The following OSBPL3 variants were observed in gnomAD, a reference collection of about 807,000 sequenced individuals.
OSBPL3 encodes the protein oxysterol-binding protein-related protein 3.
In OSBPL3, 65 loss-of-function variants were observed where a neutral mutation model predicts 120.1. The observed-to-expected ratio is 0.54, with a 90% CI of 0.44 to 0.67. The LOEUF is 0.67. Among genes scored for constraint, OSBPL3 ranks in the 30% least tolerant of loss-of-function variants. OSBPL3 has a pLI of 0.00. For missense variants in OSBPL3, 1,004 were observed against 1,082.1 expected, an observed-to-expected ratio of 0.93 and a Z score of 1.01; for synonymous variants, 416 against 402.6, an observed-to-expected ratio of 1.03 and a Z score of -0.40.
rs888734503 is a variant in OSBPL3 at position 24,947,758 on chromosome 7, T to C, written c.-150+32128A>G. Reference sequence around the variant, plus strand: ...TAATATATGCATGTGTATATATGTATACATACATATCCAATTAAATCACAC... The same window carrying C: ...TAATATATGCATGTGTATATATGTACACATACATATCCAATTAAATCACAC... On this transcript the variant is annotated intron_variant, in intron 1 of 22. Transcript: ENST00000313367. This position sits in a 1 kb window ranked among gnomAD's most constrained non-coding sequence, Gnocchi z 4.4. 3.4e-5 allele frequency among the ~76,000 whole-genome samples: 5 copies of C among 145,504 alleles called. No homozygotes were observed. Among genetic ancestry groups the C allele is most frequent in the African/African-American group, 1.3e-4 (5 of 38,792 alleles).
rs540364438 is a variant in OSBPL3 at position 24,938,997 on chromosome 7, C to G, written c.-150+40889G>C. On this transcript the variant is annotated intron_variant, in intron 1 of 22. Coordinates refer to ENST00000313367, the MANE Select transcript of OSBPL3 (RefSeq NM_015550.4). The surrounding 1 kb of genome is among the most constrained non-coding windows in gnomAD (Gnocchi z 5.8). ...GAAACAGAGTGCAAGGGGTAGGAATCAGTGTAGAAATAAAGATTAAAGAAT... is the reference window on the plus strand; with the variant it reads ...GAAACAGAGTGCAAGGGGTAGGAATGAGTGTAGAAATAAAGATTAAAGAAT... Among the ~76,000 whole-genome samples, 182 of 152,090 alleles carry G rather than the reference C, an allele frequency of 1.2e-3. 4 individuals are homozygous for G. The highest frequency in any genetic ancestry group is 5.2e-3 in the South Asian group (25 of 4,808).
rs1033586930 is a variant in OSBPL3, at chr7:24,922,455, G to A, written c.-149-29834C>T. On this transcript the variant is annotated intron_variant, in intron 1 of 22. Transcript: ENST00000313367. This position sits in a 1 kb window ranked among gnomAD's most constrained non-coding sequence, Gnocchi z 4.3. Reference sequence around the variant, plus strand: ...AGCGTGGGAGGGAAATTAAGTTTTCGGTGGATACTGTGGTGCTTTTAGAGT... The same window carrying A: ...AGCGTGGGAGGGAAATTAAGTTTTCAGTGGATACTGTGGTGCTTTTAGAGT... Among the ~76,000 whole-genome samples, 3 of 152,220 alleles carry A rather than the reference G, an allele frequency of 2.0e-5. No individual in the cohort carries two copies. Among genetic ancestry groups the A allele is most frequent in the East Asian group, 3.9e-4 (2 of 5,190 alleles).
At position 24,866,154 on chromosome 7, in the gene OSBPL3, A is replaced by T; in HGVS notation, c.465T>A (p.Phe155Leu). 1 of 1,612,052 alleles carries T rather than the reference A, an allele frequency of 6.2e-7. No homozygotes were observed. The change falls in exon 6 of 23, where the codon TTT becomes TTA. Residue 155 changes from phenylalanine to leucine, a missense_variant. Phe to Leu is a conservative substitution (Grantham distance 22). Transcript: ENST00000313367. Reference protein sequence around the residue: ...RMYRQNEIAMFPHEVNHFFSG... With the variant: ...RMYRQNEIAMLPHEVNHFFSG... The stretch of plus-strand genomic sequence containing the variant: ...AGAAAAAGTGGTTAACTTCATGTGG[A>T]AACATGGCAATTTCATTCTGACGAT...
chr7:24,902,397 T>C (rs1807163720), intron 1 of OSBPL3, among the ~76,000 whole-genome samples: 1 of 152,208 alleles, frequency 6.6e-6, no homozygotes, highest in Non-Finnish European at 1.5e-5. Flanking sequence ...CTGAAAATTA[T>C]TGCACACACA....
rs1195746354 is a variant in OSBPL3 at position 24,834,583 on chromosome 7, T to C, written c.1649A>G (p.Asn550Ser). The C allele has an allele frequency of 3.1e-6, 5 of 1,614,192 alleles. No individual in the cohort carries two copies. The highest frequency in any genetic ancestry group is 4.2e-6 in the Non-Finnish European group (5 of 1,180,030). ...CCTCTGCAGCGTGTTCAGGGGCTCGTTCAGCTCCACCGGCATGGCCACCTT... is the reference window on the plus strand; with the variant it reads ...CCTCTGCAGCGTGTTCAGGGGCTCGCTCAGCTCCACCGGCATGGCCACCTT... ...LSKVAMPVEL[N>S]EPLNTLQRLC... is the part of the protein sequence containing the mutation. Residue 550 changes from asparagine to serine, a missense_variant, in exon 15 of 23, where the codon AAC becomes AGC. Asn to Ser is a conservative substitution (Grantham distance 46). This residue lies in a region of OSBPL3 where 473 missense variants were observed against 568.0 expected (regional missense o/e 0.83). Transcript: ENST00000313367. The surrounding 1 kb of genome is among the most constrained non-coding windows in gnomAD (Gnocchi z 5.2).
intron 1 of OSBPL3, among the ~76,000 whole-genome samples, chr7:24,923,801 G>A (rs1810708100): frequency 6.6e-6 from 1 of 152,082 alleles, no homozygotes; most frequent in African/African-American, 2.4e-5. Context: ...TGAGTGGGAG[G>A]CCCTCCTGTG....
At chr7:24,962,718 C>T (rs963243107) in intron 1 of OSBPL3, among the ~76,000 whole-genome samples, 4 of 152,190 alleles carry the variant, frequency 2.6e-5, no homozygotes, top group Non-Finnish European at 4.4e-5. Context: ...TGGCAAGAAA[C>T]AGGTCTTTAA....
intron 14 of OSBPL3, among the ~76,000 whole-genome samples, chr7:24,839,132 A>G (rs1342608927): frequency 6.6e-6 from 1 of 152,220 alleles, no homozygotes; most frequent in East Asian, 1.9e-4. Context: ...GAACATTGAA[A>G]TATCAAAAAG....
intron 2 of OSBPL3, among the ~76,000 whole-genome samples, chr7:24,878,871 C>T (rs1215557787): frequency 1.3e-5 from 2 of 152,186 alleles, no homozygotes; most frequent in African/African-American, 2.4e-5. Context: ...AGATTCTGCA[C>T]CTGCACAGAT....
rs766716599 is a variant in OSBPL3, at chr7:24,935,121, C to T, written c.-149-42500G>A. On this transcript the variant is annotated intron_variant, in intron 1 of 22. Coordinates refer to ENST00000313367, the MANE Select transcript of OSBPL3 (RefSeq NM_015550.4). ...AATTTGTAGTACAACTACATAATAA[C>T]CTATAAGACATCCATTAAAATGATA... 2.6e-5 allele frequency among the ~76,000 whole-genome samples: 4 copies of T among 151,942 alleles called. No individual in the cohort carries two copies. The South Asian group carries it at 8.3e-4, about 32-fold the overall frequency.
At position 24,854,912 on chromosome 7, in the gene OSBPL3, C is replaced by G. The variant is rs1324683803; in HGVS notation, c.1028-2278G>C. On this transcript the variant is annotated intron_variant, in intron 10 of 22. Coordinates refer to ENST00000313367, the MANE Select transcript of OSBPL3 (RefSeq NM_015550.4). The surrounding 1 kb of genome is among the most constrained non-coding windows in gnomAD (Gnocchi z 4.1). ...GGTATGTAATAAATAACAAATGTTACTGCAATATCATAGTGATACCGATGA... is the reference window on the plus strand; with the variant it reads ...GGTATGTAATAAATAACAAATGTTAGTGCAATATCATAGTGATACCGATGA... 6.6e-6 allele frequency among the ~76,000 whole-genome samples: 1 copy of G among 152,206 alleles called. No homozygotes were observed. Among genetic ancestry groups the G allele is most frequent in the Non-Finnish European group, 1.5e-5 (1 of 68,038 alleles).
chr7:24,861,903 G>T lies in OSBPL3; in HGVS notation c.871-134C>A, dbSNP rs539813145. On this transcript the variant is annotated intron_variant, in intron 9 of 22. Transcript: ENST00000313367. ...GTAGGTCTTTTTTTTTTTTTTTTGG[G>T]GGGGATGGAGTCTCGCTCTGCCACC... 2.4e-4 allele frequency: 125 copies of T among 522,800 alleles called. 1 individual carries two copies. Among genetic ancestry groups the T allele is most frequent in the Non-Finnish European group, 3.0e-4 (94 of 311,774 alleles). 32.4% of individuals were successfully genotyped at this position (522,800 alleles called of 1,614,324 possible). A position where few individuals can be genotyped will look rare whatever the true frequency, so the allele number is the denominator to read the frequency against.
Position 24,959,482 on chromosome 7 carries a change from T to C in OSBPL3, c.-150+20404A>G, listed in dbSNP as rs752538440. On this transcript the variant is annotated intron_variant, in intron 1 of 22. Coordinates refer to ENST00000313367, the MANE Select transcript of OSBPL3 (RefSeq NM_015550.4). This position sits in a 1 kb window ranked among gnomAD's most constrained non-coding sequence, Gnocchi z 4.3. ...TTAACATGAGTCAATTTACATAAGT[T>C]ACAAAAACAAGCAAAGCTAATCTGA... Among the ~76,000 whole-genome samples the C allele has an allele frequency of 1.3e-5, 2 of 152,152 alleles. No individual in the cohort carries two copies. The highest frequency in any genetic ancestry group is 2.9e-5 in the Non-Finnish European group (2 of 68,020).
rs942937180 is a variant in OSBPL3 at position 24,808,524 on chromosome 7, A to C, written c.2317+1283T>G. On this transcript the variant is annotated intron_variant, in intron 20 of 22. Coordinates refer to ENST00000313367, the MANE Select transcript of OSBPL3 (RefSeq NM_015550.4). The surrounding 1 kb of genome is among the most constrained non-coding windows in gnomAD (Gnocchi z 4.6). Reference sequence around the variant, plus strand: ...AAAGGAGACAGACTGTGCCATTTGCAAAATCTCATGCTTGCCTCTGAAGCT... The same window carrying C: ...AAAGGAGACAGACTGTGCCATTTGCCAAATCTCATGCTTGCCTCTGAAGCT... Among the ~76,000 whole-genome samples, 1 of 152,224 alleles carries C rather than the reference A, an allele frequency of 6.6e-6. No homozygotes were observed. Among genetic ancestry groups the C allele is most frequent in the African/African-American group, 2.4e-5 (1 of 41,466 alleles).
intron 19 of OSBPL3, among the ~76,000 whole-genome samples, chr7:24,812,220 T>G (rs972174837): frequency 4.8e-5 from 7 of 145,002 alleles, no homozygotes; most frequent in African/African-American, 1.8e-4. Flanking sequence ...GGCACGAGAA[T>G]CACTTGAACC....
rs1450734338 is a variant in OSBPL3, at chr7:24,918,386, T to G, written c.-149-25765A>C. Among the ~76,000 whole-genome samples the G allele has an allele frequency of 6.6e-6, 1 of 152,194 alleles. No individual in the cohort carries two copies. Among genetic ancestry groups the G allele is most frequent in the East Asian group, 1.9e-4 (1 of 5,198 alleles). On this transcript the variant is annotated intron_variant, in intron 1 of 22. Coordinates refer to ENST00000313367, the MANE Select transcript of OSBPL3 (RefSeq NM_015550.4). The surrounding 1 kb of genome is among the most constrained non-coding windows in gnomAD (Gnocchi z 4.3). ...CTACTCACACTCAATCCTTCCTATTTCAGTCTGGAATTACCCCAGAGAGAA... is the reference window on the plus strand; with the variant it reads ...CTACTCACACTCAATCCTTCCTATTGCAGTCTGGAATTACCCCAGAGAGAA...
At chr7:24,903,253 G>A (rs889673325) in intron 1 of OSBPL3, among the ~76,000 whole-genome samples, 1 of 152,210 alleles carries the variant, frequency 6.6e-6, no homozygotes, top group Non-Finnish European at 1.5e-5. Flanking sequence ...CTTAGAACAA[G>A]TGAAAAATGA....
rs561383942 is a variant in OSBPL3 at position 24,881,548 on chromosome 7, T to C, written c.97-9479A>G. 2.6e-5 allele frequency among the ~76,000 whole-genome samples: 4 copies of C among 152,232 alleles called. No individual in the cohort carries two copies. The highest frequency in any genetic ancestry group is 3.9e-4 in the East Asian group (2 of 5,182). Reference sequence around the variant, plus strand: ...TACCACAAGGTTGAAAATTTGTAAATTGTCAAATGGGAGATTCACACAAAC... The same window carrying C: ...TACCACAAGGTTGAAAATTTGTAAACTGTCAAATGGGAGATTCACACAAAC... On this transcript the variant is annotated intron_variant, in intron 2 of 22. Coordinates refer to ENST00000313367, the MANE Select transcript of OSBPL3 (RefSeq NM_015550.4). This position sits in a 1 kb window ranked among gnomAD's most constrained non-coding sequence, Gnocchi z 4.3.
rs1392834718 is a variant in OSBPL3, at chr7:24,834,881, C to T, written c.1496-145G>A. 5.8e-6 allele frequency: 4 copies of T among 684,410 alleles called. No homozygotes were observed. The highest frequency in any genetic ancestry group is 6.0e-5 in the East Asian group (2 of 33,372). The allele number at this position is 684,410 out of a possible 1,614,324, so 42.4% of individuals were successfully genotyped here. ...CAGAGTATGGCTGAAGTCAGAAAAC[C>T]GGCAAAAGAATTCTGAGCAATTAAA... On this transcript the variant is annotated intron_variant, in intron 14 of 22. Coordinates refer to ENST00000313367, the MANE Select transcript of OSBPL3 (RefSeq NM_015550.4). The surrounding 1 kb of genome is among the most constrained non-coding windows in gnomAD (Gnocchi z 5.2).
Sources: gnomAD v4.1 joint callset for allele counts (sites outside exome capture counted in the v4.1 genomes callset) on GRCh38, gnomAD v4.1.1 for gene constraint, gnomAD v4.1.1 regional missense constraint, Gnocchi (gnomAD v3.1) non-coding constraint, MANE v1.5 for transcripts, NCBI Gene and HGNC (gene_info 2026-07-23, HGNC 2026-07-21) for gene names.